Variants in KCNIP1 observed in about 807,000 individuals in gnomAD.
The protein encoded by KCNIP1 is potassium voltage-gated channel interacting protein 1.
Under a neutral mutation model 33.0 loss-of-function variants are expected in KCNIP1, and 18 were observed. The observed-to-expected ratio is 0.55, with a 90% CI of 0.38 to 0.81. The LOEUF is 0.81. KCNIP1 is among the 30% of genes least tolerant of loss of function. The pLI is 0.00. For missense variants in KCNIP1, 238 were observed against 271.6 expected (o/e 0.88, Z 0.87); for synonymous variants, 93 against 98.3 (o/e 0.95, Z 0.32).
intron 1 of KCNIP1, among the ~76,000 whole-genome samples, chr5:170,580,738 A>G (rs2113516673): frequency 6.6e-6 from 1 of 152,390 alleles, no homozygotes; most frequent in African/African-American, 2.4e-5. Flanking sequence ...GGTGCAAGAC[A>G]TAAAAAGCCA....
chr5:170,455,106 C>A (rs1275505286), intron 1 of KCNIP1, among the ~76,000 whole-genome samples: 1 of 152,116 alleles, frequency 6.6e-6, no homozygotes, highest in East Asian at 1.9e-4. Context: ...AATAAATAGG[C>A]AGCTCAGCAA....
At chr5:170,390,569 A>T (rs1168285910) in intron 1 of KCNIP1, among the ~76,000 whole-genome samples, 1 of 145,742 alleles carries the variant, frequency 6.9e-6, no homozygotes, top group Non-Finnish European at 1.5e-5. Flanking sequence ...ACAATCCCAG[A>T]TATTGGGGCT....
At chr5:170,589,723 A>ATGTGG (rs70979189) in intron 1 of KCNIP1, among the ~76,000 whole-genome samples, 27,193 of 132,298 alleles carry the variant, frequency 0.21, 3,154 homozygotes, top group East Asian at 0.35. Context: ...GTGTGGTGTG[A>ATGTGG]TGTGGTGTGG....
chr5:170,466,829 C>T (rs1368644566), intron 1 of KCNIP1, among the ~76,000 whole-genome samples: 3 of 152,164 alleles, frequency 2.0e-5, no homozygotes, highest in Non-Finnish European at 4.4e-5. Context: ...CTCCTAGTAC[C>T]ATCACCTTGA....
chr5:170,397,117 G>A (rs1754780738), intron 1 of KCNIP1, among the ~76,000 whole-genome samples: 1 of 152,148 alleles, frequency 6.6e-6, no homozygotes, highest in African/African-American at 2.4e-5. Context: ...GAATACCAAA[G>A]GGAGGAAGGT....
Position 170,627,191 on chromosome 5 carries a change from C to T in KCNIP1, c.62-91567C>T, listed in dbSNP as rs75738819. Among the ~76,000 whole-genome samples the T allele has an allele frequency of 2.5e-3, 381 of 152,276 alleles. 9 individuals are homozygous for T. The East Asian group carries it at 0.057, about 23-fold the overall frequency. On this transcript the variant is annotated intron_variant, in intron 1 of 7. Coordinates refer to ENST00000328939, the MANE Select transcript of KCNIP1 (RefSeq NM_014592.4). ...AGGAGCTGGGTCTCTGGCCATTCTC[C>T]GCAGCCCCTCACCATTCACTCAGTG...
chr5:170,498,342 A>G (rs1757349966), intron 1 of KCNIP1, among the ~76,000 whole-genome samples: 1 of 152,224 alleles, frequency 6.6e-6, no homozygotes. Flanking sequence ...CAAAGGTCAA[A>G]TAACTTGCCC....
intron 1 of KCNIP1, among the ~76,000 whole-genome samples, chr5:170,618,373 T>C (rs1296547863): frequency 2.8e-5 from 4 of 144,890 alleles, no homozygotes; most frequent in Admixed American, 2.1e-4. Context: ...CTAGCAAGAA[T>C]GCATCATCTT....
chr5:170,633,248 C>T (rs968327524), intron 1 of KCNIP1, among the ~76,000 whole-genome samples: 1 of 151,878 alleles, frequency 6.6e-6, no homozygotes, highest in African/African-American at 2.4e-5. Context: ...GGGAGGAGGA[C>T]GCTGGTCAGG....
rs577437672 is a variant in KCNIP1 at position 170,551,829 on chromosome 5, A to G, written c.61+47196A>G. 6.7e-5 allele frequency among the ~76,000 whole-genome samples: 10 copies of G among 150,348 alleles called. No homozygotes were observed. The South Asian group carries it at 1.9e-3, about 29-fold the overall frequency. On this transcript the variant is annotated intron_variant, in intron 1 of 7. Transcript: ENST00000328939. ...TGTGAATGTGAGTATGTGATGTTTGAGTGTACGTGTTAGTGCATGTGTGAG... is the reference window on the plus strand; with the variant it reads ...TGTGAATGTGAGTATGTGATGTTTGGGTGTACGTGTTAGTGCATGTGTGAG...
At chr5:170,387,412 C>T (rs1338558051) in intron 1 of KCNIP1, among the ~76,000 whole-genome samples, 1 of 152,192 alleles carries the variant, frequency 6.6e-6, no homozygotes, top group Non-Finnish European at 1.5e-5. Flanking sequence ...ACTCCCTCCC[C>T]TTAGCCAGGC....
intron 1 of KCNIP1, among the ~76,000 whole-genome samples, chr5:170,549,271 A>G (rs1424048719): frequency 1.3e-5 from 2 of 152,212 alleles, no homozygotes; most frequent in African/African-American, 4.8e-5. Flanking sequence ...TTCCAGTCCT[A>G]GGCCATGATA....
chr5:170,575,539 C>A (rs919117696), intron 1 of KCNIP1, among the ~76,000 whole-genome samples: 2 of 152,200 alleles, frequency 1.3e-5, no homozygotes, highest in African/African-American at 4.8e-5. Context: ...GAGACAGGTT[C>A]TTGGGTTGGG....
intron 1 of KCNIP1, among the ~76,000 whole-genome samples, chr5:170,398,751 C>A (rs959246836): frequency 4.6e-5 from 7 of 152,188 alleles, no homozygotes; most frequent in Non-Finnish European, 1.0e-4. Context: ...GGGCTGAATG[C>A]CCCACCCCAA....
At chr5:170,433,621 T>C (rs1363249123) in intron 1 of KCNIP1, among the ~76,000 whole-genome samples, 1 of 152,192 alleles carries the variant, frequency 6.6e-6, no homozygotes, top group Admixed American at 6.5e-5. Flanking sequence ...TCAGTGATAA[T>C]GAGCAGGTAG....
chr5:170,420,592 G>A (rs910013797), intron 1 of KCNIP1: 59 of 151,744 alleles, frequency 3.9e-4, no homozygotes, highest in African/African-American at 1.4e-3. Flanking sequence ...TAAAATATGT[G>A]TTAATCAACT....
intron 1 of KCNIP1, among the ~76,000 whole-genome samples, chr5:170,606,915 G>T (rs943416798): frequency 6.6e-6 from 1 of 152,176 alleles, no homozygotes; most frequent in Non-Finnish European, 1.5e-5. Context: ...ACCAGGCAGC[G>T]CCCTAGGCTG....
intron 1 of KCNIP1, among the ~76,000 whole-genome samples, chr5:170,536,079 A>G (rs1755973922): frequency 1.3e-5 from 2 of 152,218 alleles, no homozygotes; most frequent in African/African-American, 4.8e-5. Context: ...TGTTCCCCAT[A>G]GTATCCCCAG....
intron 1 of KCNIP1, among the ~76,000 whole-genome samples, chr5:170,684,020 G>A (rs1233982573): frequency 6.6e-6 from 1 of 151,948 alleles, no homozygotes; most frequent in Non-Finnish European, 1.5e-5. Context: ...GCCTCCCAAA[G>A]TGCTGGGATT....
Sources: gnomAD v4.1 joint callset for allele counts (sites outside exome capture counted in the v4.1 genomes callset) on GRCh38, gnomAD v4.1.1 for gene constraint, MANE v1.5 for transcripts, NCBI Gene and HGNC (gene_info 2026-07-23, HGNC 2026-07-21) for gene names.